SLC35F3: variants seen among roughly 807,000 people sequenced by gnomAD.
SLC35F3 encodes solute carrier family 35 member F3.
In SLC35F3, 25 loss-of-function variants were observed where a neutral mutation model predicts 49.9. That is an observed-to-expected ratio of 0.50 (90% CI 0.37 to 0.70). SLC35F3 has a LOEUF of 0.70. Among genes scored for constraint, SLC35F3 ranks in the 30% least tolerant of loss-of-function variants. The probability of loss-of-function intolerance (pLI) is 0.00; values close to 1 mark genes in which losing one functional copy is unlikely to be tolerated. For missense variants in SLC35F3, 525 were observed against 639.8 expected, an observed-to-expected ratio of 0.82 and a Z score of 1.94; for synonymous variants, 275 against 265.4, an observed-to-expected ratio of 1.04 and a Z score of -0.35.
chr1:234,214,354 G>A lies in SLC35F3; in HGVS notation c.284-17063G>A. The A allele has an allele frequency of 7.6e-7, 1 of 1,317,122 alleles. No individual in the cohort carries two copies. The highest frequency in any genetic ancestry group is 9.7e-7 in the Non-Finnish European group (1 of 1,034,240). The allele number at this position is 1,317,122 out of a possible 1,614,324, so 81.6% of individuals were successfully genotyped here. A position where few individuals can be genotyped will look rare whatever the true frequency, so the allele number is the denominator to read the frequency against. On this transcript the variant is annotated intron_variant, in intron 2 of 7. Coordinates refer to ENST00000366618, the MANE Select transcript of SLC35F3 (RefSeq NM_173508.4). This position sits in a 1 kb window ranked among gnomAD's most constrained non-coding sequence, Gnocchi z 8.0. Reference sequence around the variant, plus strand: ...CAACCGGAGCCCGGCGGGCAGCCGGGGAGGCCGGGACTGAGAGGGGCGAGC... The same window carrying A: ...CAACCGGAGCCCGGCGGGCAGCCGGAGAGGCCGGGACTGAGAGGGGCGAGC...
intron 2 of SLC35F3, among the ~76,000 whole-genome samples, chr1:234,185,683 T>G (rs908978367): frequency 6.6e-6 from 1 of 152,168 alleles, no homozygotes; most frequent in African/African-American, 2.4e-5. Context: ...TGGCAGGGAC[T>G]TGGAAGGGGA....
chr1:234,157,103 A>C (rs1050199227), intron 2 of SLC35F3, among the ~76,000 whole-genome samples: 1 of 152,202 alleles, frequency 6.6e-6, no homozygotes, highest in Non-Finnish European at 1.5e-5. Flanking sequence ...TAAGTGGATG[A>C]ATTGTATAGT....
At chr1:234,232,538 AAAG>A (rs1339304834) in intron 3 of SLC35F3, among the ~76,000 whole-genome samples, 24 of 149,808 alleles carry the variant, frequency 1.6e-4, no homozygotes, top group African/African-American at 3.7e-4. Context: ...AAAAAAAAAA[AAAG>A]AAAAAGAAAA....
At chr1:233,925,856 T>A (rs1390674171) in intron 2 of SLC35F3, among the ~76,000 whole-genome samples, 3 of 152,174 alleles carry the variant, frequency 2.0e-5, no homozygotes, top group Admixed American at 6.5e-5. Flanking sequence ...AGCATTTGCT[T>A]GTCTGTTAAG....
intron 2 of SLC35F3, among the ~76,000 whole-genome samples, chr1:234,040,213 C>T (rs753791496): frequency 2.0e-4 from 31 of 152,156 alleles, no homozygotes; most frequent in Non-Finnish European, 4.4e-4. Flanking sequence ...GTCAAGTTGC[C>T]TCTCTCCGAT....
chr1:234,147,542 A>G (rs917756529), intron 2 of SLC35F3, among the ~76,000 whole-genome samples: 2 of 151,718 alleles, frequency 1.3e-5, no homozygotes, highest in Admixed American at 6.6e-5. Flanking sequence ...TAGCATGTGT[A>G]CTCCTCAGTT....
rs1657586713 is a variant in SLC35F3 at position 234,320,285 on chromosome 1, CACAT to C, written c.1237+102_1237+105del. Reference sequence around the variant, plus strand: ...ACACTCATGCATACATACACACTCACACATACACTCACATACACACACTCATGCA... The same window carrying C: ...ACACTCATGCATACATACACACTCACACACTCACATACACACACTCATGCA... On this transcript the variant is annotated intron_variant, in intron 7 of 7. Transcript: ENST00000366618. The surrounding 1 kb of genome is among the most constrained non-coding windows in gnomAD (Gnocchi z 4.8). 10 of 758,610 alleles carry C rather than the reference CACAT, an allele frequency of 1.3e-5. No individual in the cohort carries two copies. The highest frequency in any genetic ancestry group is 1.6e-5 in the Non-Finnish European group (7 of 424,550). The allele number at this position is 758,610 out of a possible 1,614,324, so 47.0% of individuals were successfully genotyped here. A position where few individuals can be genotyped will look rare whatever the true frequency, so the allele number is the denominator to read the frequency against.
At chr1:234,020,035 A>C (rs1334015832) in intron 2 of SLC35F3, among the ~76,000 whole-genome samples, 1 of 152,136 alleles carries the variant, frequency 6.6e-6, no homozygotes, top group South Asian at 2.1e-4. Context: ...ATGTTTAGCA[A>C]GGAGAGAATG....
In SLC35F3 at chr1:234,231,308, C is replaced by T. The variant is rs1667365957; in HGVS notation, c.284-109C>T. The stretch of plus-strand genomic sequence containing the variant: ...GAAGCCGCCCCTGCACCCGCTATCT[C>T]CCCGGGCCCCCAGGTAGCTGGTGGT... On this transcript the variant is annotated intron_variant, in intron 2 of 7. Coordinates refer to ENST00000366618, the MANE Select transcript of SLC35F3 (RefSeq NM_173508.4). This position sits in a 1 kb window ranked among gnomAD's most constrained non-coding sequence, Gnocchi z 5.4. 1 of 948,708 alleles carries T rather than the reference C, an allele frequency of 1.1e-6. No homozygotes were observed. Among genetic ancestry groups the T allele is most frequent in the Non-Finnish European group, 1.5e-6 (1 of 658,022 alleles). 58.8% of individuals were successfully genotyped at this position (948,708 alleles called of 1,614,324 possible). A position where few individuals can be genotyped will look rare whatever the true frequency, so the allele number is the denominator to read the frequency against.
intron 2 of SLC35F3, among the ~76,000 whole-genome samples, chr1:233,944,226 TCCA>T (rs1662477308): frequency 2.6e-5 from 4 of 152,140 alleles, no homozygotes; most frequent in African/African-American, 9.6e-5. Context: ...CAAAAAAACA[TCCA>T]GTAGATCAAC....
chr1:234,232,519 C>CAAAA (rs536692686), intron 3 of SLC35F3, among the ~76,000 whole-genome samples: 7,001 of 72,120 alleles, frequency 0.097, 704 homozygotes, highest in South Asian at 0.17. Flanking sequence ...CAGGCCTAGT[C>CAAAA]AAAAAAAAAA....
intron 2 of SLC35F3, among the ~76,000 whole-genome samples, chr1:234,069,690 C>T (rs1334848248): frequency 6.6e-6 from 1 of 152,214 alleles, no homozygotes; most frequent in Non-Finnish European, 1.5e-5. Context: ...CCAGGGTCCT[C>T]AGAACAGGGG....
chr1:234,068,522 C>T (rs1001850727), intron 2 of SLC35F3, among the ~76,000 whole-genome samples: 1 of 151,860 alleles, frequency 6.6e-6, no homozygotes, highest in Non-Finnish European at 1.5e-5. Context: ...CATGCCTTAG[C>T]TATGAGAGAA....
chr1:234,048,874 C>T (rs1453543709), intron 2 of SLC35F3, among the ~76,000 whole-genome samples: 1 of 152,212 alleles, frequency 6.6e-6, no homozygotes, highest in Non-Finnish European at 1.5e-5. Context: ...TTCCTTGGGA[C>T]CAATCATCCC....
At chr1:234,223,024 A>G (rs1667233395) in intron 2 of SLC35F3, among the ~76,000 whole-genome samples, 1 of 152,196 alleles carries the variant, frequency 6.6e-6, no homozygotes, top group Non-Finnish European at 1.5e-5. Flanking sequence ...CAGACCAAGT[A>G]TTAAAACATA....
chr1:234,100,635 T>C (rs1665200329), intron 2 of SLC35F3, among the ~76,000 whole-genome samples: 1 of 152,186 alleles, frequency 6.6e-6, no homozygotes, highest in South Asian at 2.1e-4. Context: ...AACTTGGAAA[T>C]AAATAGATTA....
chr1:234,180,962 G>GT (rs1666548277), intron 2 of SLC35F3, among the ~76,000 whole-genome samples: 1 of 152,020 alleles, frequency 6.6e-6, no homozygotes, highest in Non-Finnish European at 1.5e-5. Flanking sequence ...ACCACCATCC[G>GT]TTCCCTCTTC....
chr1:233,941,867 C>T (rs1662427889), intron 2 of SLC35F3, among the ~76,000 whole-genome samples: 3 of 152,050 alleles, frequency 2.0e-5, no homozygotes, highest in South Asian at 4.2e-4. Flanking sequence ...TGAATGTATG[C>T]GTACACCCAT....
intron 2 of SLC35F3, among the ~76,000 whole-genome samples, chr1:234,144,145 T>C (rs1410331731): frequency 6.6e-6 from 1 of 152,126 alleles, no homozygotes; most frequent in Admixed American, 6.5e-5. Flanking sequence ...CACATGCCCA[T>C]TCTTGAATGA....
Sources: allele counts gnomAD v4.1 joint callset (sites outside exome capture counted in the v4.1 genomes callset), GRCh38; gene constraint gnomAD v4.1.1; non-coding constraint Gnocchi (gnomAD v3.1); transcripts MANE v1.5; gene names NCBI Gene and HGNC (gene_info 2026-07-23, HGNC 2026-07-21).